The following CRYL1 variants were observed in gnomAD, a reference collection of about 807,000 sequenced individuals.
CRYL1 encodes the protein lambda-crystallin homolog.
In CRYL1, 29 loss-of-function variants were observed where a neutral mutation model predicts 36.6. The ratio of observed to expected loss-of-function variants is 0.79; its 90% CI spans 0.59 to 1.08. The LOEUF is 1.08. Among genes scored for constraint, CRYL1 ranks in the 50% least tolerant of loss-of-function variants. The pLI, the probability that CRYL1 is intolerant of heterozygous loss-of-function variation, is 0.00. For missense variants in CRYL1, 411 were observed against 407.9 expected, an observed-to-expected ratio of 1.01 and a Z score of -0.06; for synonymous variants, 152 against 151.5, an observed-to-expected ratio of 1.00 and a Z score of -0.02.
chr13:20,525,701 C>T lies in CRYL1; in HGVS notation c.41+53G>A. 2 of 1,317,568 alleles carry T rather than the reference C, an allele frequency of 1.5e-6. No homozygotes were observed. Among genetic ancestry groups the T allele is most frequent in the Non-Finnish European group, 1.9e-6 (2 of 1,026,088 alleles). 81.6% of individuals were successfully genotyped at this position (1,317,568 alleles called of 1,614,324 possible). On this transcript the variant is annotated intron_variant, in intron 1 of 7. Coordinates refer to ENST00000298248, the MANE Select transcript of CRYL1 (RefSeq NM_015974.3). This position sits in a 1 kb window ranked among gnomAD's most constrained non-coding sequence, Gnocchi z 4.3. ...AGGGCCCCACGCGAGGGCACCACGT[C>T]CCCGGCGTCTCCCCGGGCTCCAGGG... is the stretch of plus-strand genomic sequence containing the variant.
intron 2 of CRYL1, among the ~76,000 whole-genome samples, chr13:20,503,645 A>G (rs2033743306): frequency 6.6e-6 from 1 of 152,216 alleles, no homozygotes; most frequent in Admixed American, 6.5e-5. Flanking sequence ...GGGTGAGAGG[A>G]GCAAAGTCAC....
chr13:20,409,781 A>G (rs2031472204), intron 6 of CRYL1, among the ~76,000 whole-genome samples: 1 of 150,736 alleles, frequency 6.6e-6, no homozygotes, highest in Admixed American at 6.6e-5. Context: ...CACATGAAAA[A>G]ATGCTCACCA....
At chr13:20,514,758 G>T (rs61955510) in intron 1 of CRYL1, among the ~76,000 whole-genome samples, 20,778 of 152,012 alleles carry the variant, frequency 0.14, 1,472 homozygotes, top group Non-Finnish European at 0.15. Context: ...GGGAAATTTG[G>T]TGAGATGACA....
chr13:20,454,519 G>A (rs768361732), intron 3 of CRYL1, among the ~76,000 whole-genome samples: 5 of 150,772 alleles, frequency 3.3e-5, no homozygotes, highest in Non-Finnish European at 5.9e-5. Flanking sequence ...TGAAGTTCAC[G>A]CCATTCTTCT....
chr13:20,500,458 A>G (rs1006896569), intron 2 of CRYL1, among the ~76,000 whole-genome samples: 4 of 152,180 alleles, frequency 2.6e-5, no homozygotes, highest in Admixed American at 6.5e-5. Context: ...TTTGACTAAA[A>G]TGGCCTTGAG....
rs1350581141 is a variant in CRYL1, at chr13:20,512,633, A to T, written c.42-83T>A. On this transcript the variant is annotated intron_variant, in intron 1 of 7. Transcript: ENST00000298248. Reference sequence around the variant, plus strand: ...TCCTAACCCAGAATGAGTTTTTTTTAAATTCACAGTATCCTATTCTTAAAA... The same window carrying T: ...TCCTAACCCAGAATGAGTTTTTTTTTAATTCACAGTATCCTATTCTTAAAA... The T allele has an allele frequency of 2.0e-5, 19 of 928,688 alleles. No individual in the cohort carries two copies. In the East Asian group the frequency reaches 2.6e-4, roughly 13 times the overall value. The allele number at this position is 928,688 out of a possible 1,614,324, so 57.5% of individuals were successfully genotyped here.
chr13:20,447,461 A>C (rs985169717), intron 3 of CRYL1, among the ~76,000 whole-genome samples: 1 of 151,610 alleles, frequency 6.6e-6, no homozygotes, highest in African/African-American at 2.4e-5. Context: ...AGTAGGTCCG[A>C]CCCCCAAGTT....
intron 2 of CRYL1, among the ~76,000 whole-genome samples, chr13:20,494,604 A>G (rs1243628948): frequency 6.6e-6 from 1 of 152,234 alleles, no homozygotes; most frequent in Non-Finnish European, 1.5e-5. Flanking sequence ...TCCAAGCCTT[A>G]GTAGGCCAGC....
chr13:20,486,838 A>G (rs2033409593), intron 3 of CRYL1, among the ~76,000 whole-genome samples: 2 of 152,160 alleles, frequency 1.3e-5, no homozygotes, highest in Non-Finnish European at 2.9e-5. Context: ...TTTATTACCA[A>G]AATTGTTATA....
intron 5 of CRYL1, among the ~76,000 whole-genome samples, chr13:20,419,878 T>C (rs1214711110): frequency 1.3e-5 from 2 of 152,228 alleles, no homozygotes; most frequent in Non-Finnish European, 2.9e-5. Context: ...AACAGGAAAC[T>C]GGCTCCACGG....
At chr13:20,420,256 A>C (rs73160841) in intron 5 of CRYL1, among the ~76,000 whole-genome samples, 1,895 of 152,336 alleles carry the variant, frequency 0.012, 103 homozygotes, top group Admixed American at 0.092. Context: ...CCGGGGAAAG[A>C]AGATGAGAAA....
intron 3 of CRYL1, among the ~76,000 whole-genome samples, chr13:20,447,756 T>C (rs1045481875): frequency 6.6e-6 from 1 of 152,206 alleles, no homozygotes; most frequent in African/African-American, 2.4e-5. Context: ...TTTAATGCAC[T>C]AAGGATAACC....
Position 20,439,712 on chromosome 13 carries a change from C to A in CRYL1, c.319G>T (p.Ala107Ser). Residue 107 changes from alanine to serine, a missense_variant, in exon 4 of 8, where the codon GCT (alanine) becomes TCT (serine). Transcript: ENST00000298248. ...TCATCAATGATGGAATCTAACTGAG[C>A]AAAAATCTTCTTCTTCAGTTCTAGA... ...EDLELKKKIF[A>S]QLDSIIDDRV... The A allele has an allele frequency of 6.2e-7, 1 of 1,613,848 alleles. No homozygotes were observed. The highest frequency in any genetic ancestry group is 8.5e-7 in the Non-Finnish European group (1 of 1,179,926).
chr13:20,458,472 C>T (rs1260595499), intron 3 of CRYL1, among the ~76,000 whole-genome samples: 1 of 152,030 alleles, frequency 6.6e-6, no homozygotes, highest in Non-Finnish European at 1.5e-5. Flanking sequence ...ATACTGTGAG[C>T]CATACATGCA....
chr13:20,428,888 G>C (rs1338154586), intron 5 of CRYL1, among the ~76,000 whole-genome samples: 1 of 152,104 alleles, frequency 6.6e-6, no homozygotes, highest in Non-Finnish European at 1.5e-5. Flanking sequence ...CAAGTCACCT[G>C]GCACCTCTCC....
chr13:20,444,046 G>A (rs1418052765), intron 3 of CRYL1, among the ~76,000 whole-genome samples: 1 of 152,152 alleles, frequency 6.6e-6, no homozygotes, highest in East Asian at 1.9e-4. Flanking sequence ...TCTCCCAGGA[G>A]TACAATCTTT....
At chr13:20,479,968 T>G (rs2033243433) in intron 3 of CRYL1, among the ~76,000 whole-genome samples, 1 of 152,208 alleles carries the variant, frequency 6.6e-6, no homozygotes, top group South Asian at 2.1e-4. Flanking sequence ...TTTCCTACAC[T>G]GCTGCAAGAA....
chr13:20,479,500 A>G (rs1175879176), intron 3 of CRYL1, among the ~76,000 whole-genome samples: 1 of 152,188 alleles, frequency 6.6e-6, no homozygotes, highest in Admixed American at 6.5e-5. Context: ...AAGTAGCCAT[A>G]AGATCATTAT....
intron 1 of CRYL1, among the ~76,000 whole-genome samples, chr13:20,521,313 G>T (rs989709826): frequency 1.3e-5 from 2 of 152,100 alleles, no homozygotes; most frequent in Non-Finnish European, 2.9e-5. Context: ...AGAAAAGTGA[G>T]CAAGTACAAG....
Sources: allele counts gnomAD v4.1 joint callset (sites outside exome capture counted in the v4.1 genomes callset), GRCh38; gene constraint gnomAD v4.1.1; non-coding constraint Gnocchi (gnomAD v3.1); transcripts MANE v1.5; gene names NCBI Gene and HGNC (gene_info 2026-07-23, HGNC 2026-07-21).